ZNF713: variants seen among roughly 807,000 people sequenced by gnomAD.
ZNF713 encodes the protein zinc finger protein 713.
Under a neutral mutation model 28.7 loss-of-function variants are expected in ZNF713, and 21 were observed. That is an observed-to-expected ratio of 0.73 (90% CI 0.52 to 1.05). ZNF713 has a LOEUF of 1.05. ZNF713 is among the 50% of genes least tolerant of loss of function. ZNF713 has a pLI of 0.00. For synonymous variants in ZNF713, 167 were observed against 178.0 expected (o/e 0.94, Z 0.49); for missense variants, 458 against 532.4 (o/e 0.86, Z 1.37).
chr7:55,899,308 G>A (rs369464565), intron 1 of ZNF713, among the ~76,000 whole-genome samples: 4 of 141,666 alleles, frequency 2.8e-5, no homozygotes, highest in African/African-American at 1.1e-4. Flanking sequence ...AGCCGAGATC[G>A]TGCCACTGTA....
At chr7:55,900,614 A>G (rs575274384) in intron 1 of ZNF713, among the ~76,000 whole-genome samples, 2 of 152,322 alleles carry the variant, frequency 1.3e-5, no homozygotes, top group African/African-American at 2.4e-5. Flanking sequence ...CAGAAACTCT[A>G]TGATCTCACT....
At chr7:55,923,770 G>A in intron 6 of ZNF713, 71 bp downstream of exon 6, 1 of 1,219,214 alleles carries the variant, frequency 8.2e-7, no homozygotes, top group East Asian at 2.4e-5. Flanking sequence ...TCAGTGGAGT[G>A]TTCCAAAAAT....
intron 4 of ZNF713, among the ~76,000 whole-genome samples, chr7:55,919,506 T>TTTTTTTTTTTTTTTTTTTTG (rs1785949156): frequency 3.2e-5 from 2 of 63,106 alleles, no homozygotes; most frequent in Admixed American, 1.8e-4. Flanking sequence ...TTTTTTTTTT[T>TTTTTTTTTTTTTTTTTTTTG]TTTTTTTTTT....
intron 6 of ZNF713, among the ~76,000 whole-genome samples, chr7:55,936,264 CA>C (rs5884432): frequency 4.4e-4 from 58 of 130,652 alleles, no homozygotes; most frequent in Non-Finnish European, 5.6e-4. Context: ...GACTCTGTCC[CA>C]AAAAAAAAAA....
chr7:55,917,715 AAAG>A (rs1785911750), intron 4 of ZNF713, among the ~76,000 whole-genome samples: 3 of 152,056 alleles, frequency 2.0e-5, no homozygotes, highest in South Asian at 4.2e-4. Flanking sequence ...AAAAAAAAAA[AAAG>A]AAAAAAAATT....
Position 55,939,163 on chromosome 7 carries a change from T to G in ZNF713, c.489T>G (p.Tyr163Ter), listed in dbSNP as rs1313549027. The change falls in exon 7 of 7, where the codon TAT (tyrosine) becomes TAG (stop). Residue 163 changes from tyrosine to a stop codon, truncating the protein, a stop_gained. Coordinates refer to ENST00000429591, the MANE Select transcript of ZNF713 (RefSeq NM_182633.3). LOFTEE classifies it high-confidence loss of function. ...PEFNQENHKR[Y>*]LGQVTLTHKK... ...TTAACCAAGAAAACCACAAGAGATA[T>G]TTAGGACAAGTAACTTTGACCCACA... The G allele has an allele frequency of 1.2e-6, 2 of 1,613,890 alleles. No homozygotes were observed. The highest frequency in any genetic ancestry group is 1.6e-4 in the Middle Eastern group (1 of 6,084).
At chr7:55,930,170 T>C (rs1786182752) in intron 6 of ZNF713, among the ~76,000 whole-genome samples, 2 of 152,170 alleles carry the variant, frequency 1.3e-5, no homozygotes, top group Admixed American at 1.3e-4. Flanking sequence ...TGAACAGTTC[T>C]TAAAGGAATC....
rs1204114020 is a variant in ZNF713 at position 55,940,305 on chromosome 7, G to A, written c.*299G>A. 6 of 500,572 alleles carry A rather than the reference G, an allele frequency of 1.2e-5. No homozygotes were observed. The highest frequency in any genetic ancestry group is 1.6e-5 in the Non-Finnish European group (6 of 368,954). 31.0% of individuals were successfully genotyped at this position (500,572 alleles called of 1,614,324 possible). A position where few individuals can be genotyped will look rare whatever the true frequency, so the allele number is the denominator to read the frequency against. ...GCCCAGCTAATTTTTTGTATTTTTAGTAGAGACGGGGTTTCACCATGTTGG... is the reference window on the plus strand; with the variant it reads ...GCCCAGCTAATTTTTTGTATTTTTAATAGAGACGGGGTTTCACCATGTTGG... On this transcript the variant is annotated 3_prime_UTR_variant, in exon 7 of 7. Coordinates refer to ENST00000429591, the MANE Select transcript of ZNF713 (RefSeq NM_182633.3).
rs1270944258 is a variant in ZNF713 at position 55,923,707 on chromosome 7, C to T, written c.307+8C>T. ...TGCTGGATACTCATCCAGGTAAGTGCACACTCTTGGGCACTGCTACTTAAT... is the reference window on the plus strand; with the variant it reads ...TGCTGGATACTCATCCAGGTAAGTGTACACTCTTGGGCACTGCTACTTAAT... On this transcript the variant is annotated splice_region_variant and intron_variant, in intron 6 of 6. Transcript: ENST00000429591. 3.1e-6 allele frequency: 5 copies of T among 1,607,990 alleles called. No individual in the cohort carries two copies. The highest frequency in any genetic ancestry group is 3.4e-5 in the Admixed American group (2 of 59,574).
chr7:55,918,485 C>G (rs983129121), intron 4 of ZNF713, among the ~76,000 whole-genome samples: 4 of 152,056 alleles, frequency 2.6e-5, no homozygotes, highest in African/African-American at 9.7e-5. Context: ...TGGAGTGTTG[C>G]AAAAACAGAA....
chr7:55,891,659 C>T (rs908178779), intron 1 of ZNF713, among the ~76,000 whole-genome samples: 3 of 152,028 alleles, frequency 2.0e-5, no homozygotes, highest in Non-Finnish European at 4.4e-5. Flanking sequence ...TGCCACTGCA[C>T]TGCAGCCTGG....
In ZNF713 at chr7:55,940,445, A is replaced by G. The variant is rs1175799682; in HGVS notation, c.*439A>G. On this transcript the variant is annotated 3_prime_UTR_variant, in exon 7 of 7. Coordinates refer to ENST00000429591, the MANE Select transcript of ZNF713 (RefSeq NM_182633.3). ...GGCCATAAACTTTCAATGCGTAGAAACCAAATTAATTTAGACCTTAAACTA... is the reference window on the plus strand; with the variant it reads ...GGCCATAAACTTTCAATGCGTAGAAGCCAAATTAATTTAGACCTTAAACTA... 2 of 986,878 alleles carry G rather than the reference A, an allele frequency of 2.0e-6. No individual in the cohort carries two copies. The highest frequency in any genetic ancestry group is 3.5e-5 in the African/African-American group (2 of 57,252). The allele number at this position is 986,878 out of a possible 1,614,324, so 61.1% of individuals were successfully genotyped here.
At chr7:55,919,501 T>TTTTTTTTTTTTTTTTTTTG (rs1785948155) in intron 4 of ZNF713, among the ~76,000 whole-genome samples, 1 of 56,012 alleles carries the variant, frequency 1.8e-5, no homozygotes, top group East Asian at 6.2e-4. Context: ...TTTTTTTTTT[T>TTTTTTTTTTTTTTTTTTTG]TTTTTTTTTT....
At chr7:55,927,446 C>G (rs1032468287) in intron 6 of ZNF713, among the ~76,000 whole-genome samples, 1 of 151,838 alleles carries the variant, frequency 6.6e-6, no homozygotes, top group Non-Finnish European at 1.5e-5. Context: ...TCACTTGAGC[C>G]TAGGTGGTCG....
intron 1 of ZNF713, among the ~76,000 whole-genome samples, chr7:55,888,154 C>T (rs577931653): frequency 6.6e-6 from 1 of 152,126 alleles, no homozygotes; most frequent in South Asian, 2.1e-4. Flanking sequence ...ATTATGCAAA[C>T]GTTCGGCTTT....
chr7:55,927,161 C>T (rs1786112351), intron 6 of ZNF713, among the ~76,000 whole-genome samples: 1 of 151,382 alleles, frequency 6.6e-6, no homozygotes, highest in African/African-American at 2.4e-5. Context: ...AAAAAAGAAG[C>T]AGCAGCTAGC....
chr7:55,918,208 A>G (rs1785922174), intron 4 of ZNF713: 3 of 431,526 alleles, frequency 7.0e-6, no homozygotes, highest in Non-Finnish European at 1.4e-5. Flanking sequence ...AAACCCAGAC[A>G]GCCCATGGAG....
At chr7:55,926,163 A>G (rs1786090976) in intron 6 of ZNF713, among the ~76,000 whole-genome samples, 1 of 152,140 alleles carries the variant, frequency 6.6e-6, no homozygotes, top group South Asian at 2.1e-4. Context: ...TACAAAAATT[A>G]GCCAGGCATG....
intron 4 of ZNF713, chr7:55,918,042 A>T: frequency 2.2e-6 from 1 of 456,664 alleles, no homozygotes; most frequent in Non-Finnish European, 4.4e-6. Context: ...CCCATTATAG[A>T]TGTGGAGATC....
Sources: allele counts gnomAD v4.1 joint callset (sites outside exome capture counted in the v4.1 genomes callset), GRCh38; gene constraint gnomAD v4.1.1; transcripts MANE v1.5; gene names NCBI Gene and HGNC (gene_info 2026-07-23, HGNC 2026-07-21).